Variants in KIAA1217 observed in about 807,000 individuals in gnomAD.
The protein encoded by KIAA1217 is sickle tail protein homolog.
In KIAA1217, 88 loss-of-function variants were observed where a neutral mutation model predicts 163.9. The ratio of observed to expected loss-of-function variants is 0.54; its 90% CI spans 0.45 to 0.64. The LOEUF is 0.64. Ranked by LOEUF, KIAA1217 falls within the 30% of genes least tolerant of loss-of-function variation. KIAA1217 has a pLI of 0.00. For synonymous variants in KIAA1217, 903 were observed against 923.1 expected (o/e 0.98, Z 0.39); for missense variants, 2,372 against 2,475.0 (o/e 0.96, Z 0.88).
chr10:24,258,280 T>C (rs557199684), intron 2 of KIAA1217, among the ~76,000 whole-genome samples: 1 of 152,286 alleles, frequency 6.6e-6, no homozygotes, highest in African/African-American at 2.4e-5. Flanking sequence ...TTATACTTGG[T>C]TGCTGTGTTC....
At chr10:24,009,309 C>G (rs746368222) in intron 2 of KIAA1217, among the ~76,000 whole-genome samples, 1 of 151,844 alleles carries the variant, frequency 6.6e-6, no homozygotes, top group South Asian at 2.1e-4. Flanking sequence ...GAACAGAATC[C>G]TGTGTAATTT....
chr10:24,519,040 C>T (rs2070669621), intron 10 of KIAA1217, among the ~76,000 whole-genome samples: 1 of 152,212 alleles, frequency 6.6e-6, no homozygotes, highest in Non-Finnish European at 1.5e-5. Flanking sequence ...GCCATGCGAT[C>T]CAGAGCTCCA....
chr10:23,878,444 T>C (rs1015880290), intron 1 of KIAA1217, among the ~76,000 whole-genome samples: 5 of 151,920 alleles, frequency 3.3e-5, no homozygotes, highest in African/African-American at 1.2e-4. Flanking sequence ...ATTCATTCAG[T>C]AAATATTTAC....
At position 24,456,348 on chromosome 10, in the gene KIAA1217, G is replaced by A. The variant is rs142684709; in HGVS notation, c.847-16880G>A. Among the ~76,000 whole-genome samples, 24 of 152,248 alleles carry A rather than the reference G, an allele frequency of 1.6e-4. 1 individual carries two copies. The East Asian group carries it at 2.9e-3, about 18-fold the overall frequency. ...GAATACATTCAAGTGAGTATTTTCC[G>A]TTTTATTCATTTTCTTCTGCCTCAC... On this transcript the variant is annotated intron_variant, in intron 5 of 20. Coordinates refer to ENST00000376454, the MANE Select transcript of KIAA1217 (RefSeq NM_019590.5).
At position 24,533,113 on chromosome 10, in the gene KIAA1217, C is replaced by T. The variant is rs1400786601; in HGVS notation, c.3290C>T (p.Thr1097Ile). 2 of 1,613,746 alleles carry T rather than the reference C, an allele frequency of 1.2e-6. No individual in the cohort carries two copies. The highest frequency in any genetic ancestry group is 1.7e-5 in the Admixed American group (1 of 59,990). Reference protein sequence around the residue: ...DAGPSPQTRATKYPAEEPASA... With the variant: ...DAGPSPQTRAIKYPAEEPASA... ...GGACCAAGCCCACAGACCAGAGCTACAAAATATCCAGCAGAGGAGCCTGCT... is the reference window on the plus strand; with the variant it reads ...GGACCAAGCCCACAGACCAGAGCTATAAAATATCCAGCAGAGGAGCCTGCT... Residue 1097 changes from threonine to isoleucine, a missense_variant, in exon 16 of 21, where the codon ACA becomes ATA. By Grantham distance (89) the Thr-to-Ile change is moderately conservative. Coordinates refer to ENST00000376454, the MANE Select transcript of KIAA1217 (RefSeq NM_019590.5).
upstream of KIAA1217, among the ~76,000 whole-genome samples, chr10:24,205,232 G>A (rs1328797794): frequency 4.3e-5 from 6 of 138,598 alleles, no homozygotes; most frequent in Admixed American, 8.2e-5. Context: ...CAAGGTGGGC[G>A]AATTACCTGC....
chr10:23,763,110 A>G (rs1461385134), intron 1 of KIAA1217, among the ~76,000 whole-genome samples: 2 of 152,324 alleles, frequency 1.3e-5, no homozygotes, highest in East Asian at 3.9e-4. Flanking sequence ...AGGAAATAAG[A>G]GAGGACAGAA....
chr10:23,895,847 A>G (rs1476715785), intron 1 of KIAA1217, among the ~76,000 whole-genome samples: 9 of 152,000 alleles, frequency 5.9e-5, no homozygotes, highest in Admixed American at 2.0e-4. Context: ...TTGTAGGGAC[A>G]TGGATGAAAT....
chr10:23,921,116 C>T (rs1842834385), intron 1 of KIAA1217, among the ~76,000 whole-genome samples: 1 of 152,138 alleles, frequency 6.6e-6, no homozygotes, highest in Non-Finnish European at 1.5e-5. Context: ...TGGACTAATA[C>T]ACAGCTTATA....
intron 2 of KIAA1217, among the ~76,000 whole-genome samples, chr10:24,360,874 CAG>C (rs2049886770): frequency 6.7e-6 from 1 of 148,762 alleles, no homozygotes; most frequent in Admixed American, 6.7e-5. Flanking sequence ...TCAAATTTAT[CAG>C]TAGTTATTTC....
chr10:23,775,371 G>C (rs1834964449), intron 1 of KIAA1217, among the ~76,000 whole-genome samples: 1 of 152,144 alleles, frequency 6.6e-6, no homozygotes, highest in African/African-American at 2.4e-5. Flanking sequence ...TTGTTGTCTG[G>C]GAAACTAAGG....
At chr10:23,757,169 C>A (rs551855038) in intron 1 of KIAA1217, among the ~76,000 whole-genome samples, 1 of 152,002 alleles carries the variant, frequency 6.6e-6, no homozygotes, top group Non-Finnish European at 1.5e-5. Context: ...GCGATTAATG[C>A]TTCTATGAAC....
intron 2 of KIAA1217, among the ~76,000 whole-genome samples, chr10:24,017,165 A>T (rs1847521465): frequency 6.6e-6 from 1 of 150,702 alleles, no homozygotes. Context: ...TGAACCTCCC[A>T]CCTTAGCCTC....
chr10:24,106,374 T>C (rs1426579605), intron 2 of KIAA1217, among the ~76,000 whole-genome samples: 1 of 152,152 alleles, frequency 6.6e-6, no homozygotes, highest in East Asian at 1.9e-4. Flanking sequence ...ATCTTCTTCC[T>C]GTTCTCCTTC....
At chr10:23,801,815 G>T (rs1836480954) in intron 1 of KIAA1217, among the ~76,000 whole-genome samples, 1 of 152,130 alleles carries the variant, frequency 6.6e-6, no homozygotes, top group African/African-American at 2.4e-5. Flanking sequence ...CTCAGGCATG[G>T]GTTCAGCCTG....
intron 1 of KIAA1217, among the ~76,000 whole-genome samples, chr10:23,831,301 T>TG (rs1385265125): frequency 6.8e-6 from 1 of 147,216 alleles, no homozygotes; most frequent in Admixed American, 6.7e-5. Context: ...AAAAAAAAAA[T>TG]GGAAAACCAA....
chr10:24,408,257 G>T (rs1216670902), intron 3 of KIAA1217, among the ~76,000 whole-genome samples: 1 of 152,088 alleles, frequency 6.6e-6, no homozygotes, highest in African/African-American at 2.4e-5. Flanking sequence ...ATAAGTTGGG[G>T]GTATTTTTGT....
intron 1 of KIAA1217, among the ~76,000 whole-genome samples, chr10:23,919,097 G>A (rs185896781): frequency 1.4e-4 from 22 of 152,252 alleles, no homozygotes; most frequent in African/African-American, 5.1e-4. Flanking sequence ...CCAACCTCCA[G>A]CCCCACATTC....
At chr10:23,964,651 G>T (rs1463781686) in intron 1 of KIAA1217, among the ~76,000 whole-genome samples, 1 of 152,052 alleles carries the variant, frequency 6.6e-6, no homozygotes, top group Non-Finnish European at 1.5e-5. Flanking sequence ...CACCTCCCAG[G>T]TTCAATCAAT....
Sources: gnomAD v4.1 joint callset for allele counts (sites outside exome capture counted in the v4.1 genomes callset) on GRCh38, gnomAD v4.1.1 for gene constraint, MANE v1.5 for transcripts, NCBI Gene and HGNC (gene_info 2026-07-23, HGNC 2026-07-21) for gene names.